Variants in ERCC1 observed in about 807,000 individuals in gnomAD.
ERCC1 encodes the protein DNA excision repair protein ERCC-1.
A neutral mutation model predicts 37.6 loss-of-function variants in ERCC1; 36 were observed. That is an observed-to-expected ratio of 0.96 (90% confidence interval 0.73 to 1.26). ERCC1 has a LOEUF of 1.26. Among genes scored for constraint, ERCC1 ranks in the 50% most tolerant of loss-of-function variants. The pLI is 0.00. For synonymous variants in ERCC1, 156 were observed against 162.1 expected (o/e 0.96, Z 0.28); for missense variants, 349 against 376.5 (o/e 0.93, Z 0.60).
At chr19:45,419,478 G>A in intron 4 of ERCC1, 1 of 432,092 alleles carries the variant, frequency 2.3e-6, no homozygotes, top group Admixed American at 3.5e-5. Flanking sequence ...GGGAGAACAG[G>A]TGCCAGGGGC....
At chr19:45,449,436 G>C (rs1967045248) in intron 1 of ERCC1, among the ~76,000 whole-genome samples, 1 of 151,874 alleles carries the variant, frequency 6.6e-6, no homozygotes, top group Admixed American at 6.6e-5. Context: ...AGGAAGATTG[G>C]GTGAGCCCAG....
intron 1 of ERCC1, among the ~76,000 whole-genome samples, chr19:45,433,390 G>A (rs1362999268): frequency 3.3e-5 from 5 of 151,988 alleles, no homozygotes; most frequent in African/African-American, 7.2e-5. Flanking sequence ...GCCAGGCGTG[G>A]TGGCATGTGC....
chr19:45,449,703 G>A (rs1295680682), intron 1 of ERCC1, among the ~76,000 whole-genome samples: 1 of 151,766 alleles, frequency 6.6e-6, no homozygotes, highest in Non-Finnish European at 1.5e-5. Context: ...GGTGGGTCAC[G>A]CCTGTAATCC....
Position 45,407,385 on chromosome 19 carries a change from G to T in ERCC1, c.*2290C>A. 5.8e-6 allele frequency: 4 copies of T among 687,198 alleles called. No individual in the cohort carries two copies. Among genetic ancestry groups the T allele is most frequent in the Non-Finnish European group, 7.1e-6 (3 of 423,212 alleles). 42.6% of individuals were successfully genotyped at this position (687,198 alleles called of 1,614,324 possible). On this transcript the variant is annotated 3_prime_UTR_variant, in exon 10 of 10. Transcript: ENST00000300853. ...AAACTACTCCTTTACAGAGTAGAGT[G>T]TCCTCAGAAAGCAGGGGGAGAAACC...
chr19:45,421,142 A>G, intron 3 of ERCC1, 36 bp downstream of exon 3: 3 of 1,588,838 alleles, frequency 1.9e-6, no homozygotes, highest in Non-Finnish European at 2.6e-6. Flanking sequence ...TCCCACTGAA[A>G]ACCTCAAGGC....
At chr19:45,414,610 C>CTTTGTTGAG in intron 7 of ERCC1, 1 of 493,882 alleles carries the variant, frequency 2.0e-6, no homozygotes, top group South Asian at 2.1e-5. Flanking sequence ...CCTGACGGGC[C>CTTTGTTGAG]CTTGTTGAGC....
intron 4 of ERCC1, chr19:45,419,506 C>T (rs1374612440): frequency 1.1e-5 from 4 of 380,386 alleles, no homozygotes; most frequent in Admixed American, 3.7e-5. Context: ...AGTGTGGGCA[C>T]GGGGACACTG....
chr19:45,414,592 C>A (rs1358332592), intron 7 of ERCC1: 1 of 470,416 alleles, frequency 2.1e-6, no homozygotes, highest in African/African-American at 2.0e-5. Context: ...GGCCACGGGG[C>A]TTCTGAGCCT....
At chr19:45,421,137 C>T (rs4987167) in intron 3 of ERCC1, 41 bp downstream of exon 3, 1 of 1,576,360 alleles carries the variant, frequency 6.3e-7, no homozygotes, top group Non-Finnish European at 8.7e-7. Context: ...GCGTTTCCCA[C>T]TGAAAACCTC....
intron 1 of ERCC1, among the ~76,000 whole-genome samples, chr19:45,438,932 C>T (rs1436549830): frequency 6.6e-6 from 1 of 152,186 alleles, no homozygotes; most frequent in African/African-American, 2.4e-5. Context: ...TGAACCACCG[C>T]GCCCGGCCCG....
intron 1 of ERCC1, among the ~76,000 whole-genome samples, chr19:45,430,539 C>G (rs1003504702): frequency 5.9e-5 from 9 of 152,120 alleles, no homozygotes; most frequent in African/African-American, 1.9e-4. Context: ...GAACCAAAAG[C>G]TAGGGAGTGA....
chr19:45,420,526 C>T lies in ERCC1; in HGVS notation c.322-99G>A. On this transcript the variant is annotated intron_variant, in intron 3 of 9. Transcript: ENST00000300853. The surrounding 1 kb of genome is among the most constrained non-coding windows in gnomAD (Gnocchi z 4.8). ...TCTTGCACCTCCTCCCTCCTCCCAC[C>T]TCTTCCCACACCTCCTGCCTCCTCG... The T allele has an allele frequency of 5.3e-6, 4 of 758,812 alleles. No individual in the cohort carries two copies. Among genetic ancestry groups the T allele is most frequent in the Non-Finnish European group, 9.3e-6 (4 of 429,056 alleles). The allele number at this position is 758,812 out of a possible 1,614,324, so 47.0% of individuals were successfully genotyped here. A position where few individuals can be genotyped will look rare whatever the true frequency, so the allele number is the denominator to read the frequency against.
chr19:45,439,401 T>C (rs2123598227), intron 1 of ERCC1, among the ~76,000 whole-genome samples: 1 of 151,944 alleles, frequency 6.6e-6, no homozygotes, highest in South Asian at 2.1e-4. Context: ...ATAATAATAG[T>C]AGTTAATAAT....
In ERCC1 at chr19:45,409,701, G is replaced by T; in HGVS notation, c.868C>A (p.His290Asn). 1 of 950,310 alleles carries T rather than the reference G, an allele frequency of 1.1e-6. No individual in the cohort carries two copies. The highest frequency in any genetic ancestry group is 1.7e-6 in the Non-Finnish European group (1 of 573,820). The allele number at this position is 950,310 out of a possible 1,614,324, so 58.9% of individuals were successfully genotyped here. A position where few individuals can be genotyped will look rare whatever the true frequency, so the allele number is the denominator to read the frequency against. The stretch of plus-strand genomic sequence containing the variant: ...CAGGGTACTTTCAAGAAGGGCTCGT[G>T]CAGGACATCAAACAGCCTCCGGGCC... ...QKARRLFDVL[H>N]EPFLKVP Residue 290 changes from histidine to asparagine, a missense_variant, in exon 10 of 10, where the codon CAC (histidine) becomes AAC (asparagine). His to Asn is a moderately conservative substitution (Grantham distance 68). Transcript: ENST00000300853.
intron 3 of ERCC1, 125 bp downstream of exon 3, chr19:45,421,053 G>C: frequency 2.5e-6 from 2 of 804,170 alleles, no homozygotes; most frequent in South Asian, 1.4e-5. Context: ...ATGAATGAAT[G>C]AATGAATGAA....
chr19:45,415,700 G>T (rs1467611232), intron 6 of ERCC1: 2 of 369,342 alleles, frequency 5.4e-6, no homozygotes, highest in Admixed American at 6.0e-5. Flanking sequence ...CCCATCCCCC[G>T]CCAAATACAA....
intron 1 of ERCC1, among the ~76,000 whole-genome samples, chr19:45,433,029 G>A (rs933353564): frequency 3.9e-5 from 6 of 152,078 alleles, no homozygotes; most frequent in Non-Finnish European, 8.8e-5. Context: ...GCGGTGAGCC[G>A]AGATCGCGCC....
upstream of ERCC1, among the ~76,000 whole-genome samples, chr19:45,426,378 CA>C (rs71173164): frequency 2.6e-3 from 146 of 55,374 alleles, 4 homozygotes; most frequent in African/African-American, 4.9e-3. Context: ...GACTCTGTCT[CA>C]AAAAAAAAAA....
At position 45,419,674 on chromosome 19, in the gene ERCC1, C is replaced by T. The variant is rs145931226; in HGVS notation, c.426-477G>A. Among the ~76,000 whole-genome samples, 401 of 152,282 alleles carry T rather than the reference C, an allele frequency of 2.6e-3. 2 individuals are homozygous for T. The highest frequency in any genetic ancestry group is 9.1e-3 in the African/African-American group (378 of 41,546). ...AGGGAGCACAGGAACTCAGAGGTTT[C>T]ACTTCCTCTGTCTGGCCCTGTCTGC... On this transcript the variant is annotated intron_variant, in intron 4 of 9. Transcript: ENST00000300853.
Sources: gnomAD v4.1 joint callset for allele counts (sites outside exome capture counted in the v4.1 genomes callset) on GRCh38, gnomAD v4.1.1 for gene constraint, Gnocchi (gnomAD v3.1) non-coding constraint, MANE v1.5 for transcripts, NCBI Gene and HGNC (gene_info 2026-07-23, HGNC 2026-07-21) for gene names.